Variants in MOGS observed in about 807,000 individuals in gnomAD.
The protein encoded by MOGS is epididymis secretory sperm binding protein.
In MOGS, 45 loss-of-function variants were observed where a neutral mutation model predicts 68.5. That is an observed-to-expected ratio of 0.66 (90% CI 0.52 to 0.84). The LOEUF (loss-of-function observed/expected upper bound fraction) is 0.84. Among genes scored for constraint, MOGS ranks in the 40% least tolerant of loss-of-function variants. The probability of loss-of-function intolerance (pLI) is 0.00; values close to 1 mark genes in which losing one functional copy is unlikely to be tolerated. For missense variants in MOGS, 1,020 were observed against 1,095.0 expected (o/e 0.93, Z 0.97); for synonymous variants, 492 against 461.2 (o/e 1.07, Z -0.86).
In MOGS at chr2:74,463,311, G is replaced by C; in HGVS notation, c.655C>G (p.Pro219Ala). 1 of 1,614,208 alleles carries C rather than the reference G, an allele frequency of 6.2e-7. No individual in the cohort carries two copies. The highest frequency in any genetic ancestry group is 8.5e-7 in the Non-Finnish European group (1 of 1,180,046). ...AACTGCCCCTTGGCCCCAACCTCTG[G>C]TAGTAGGACTTCCTTGCCATCTGTC... ...VVTDGKEVLL[P>A]EVGAKGQLKF... The change falls in exon 3 of 4, where the codon CCA becomes GCA. Residue 219 changes from proline (P) to alanine (A), a missense_variant. Pro to Ala is a conservative substitution (Grantham distance 27). Transcript: ENST00000448666.
Position 74,462,991 on chromosome 2 carries a change from G to A in MOGS, c.798C>T (p.Ser266=), listed in dbSNP as rs751055285. ...CTGTCAGCAGGGGCAGTCCTGGGTT[G>A]GAGGTCCAGAAGACATTGTAGCTTG... The part of the protein sequence containing the change: ...KYGSYNVFWT[S]NPGLPLLTEM... Residue 266 remains serine (S), a synonymous_variant, in exon 4 of 4, where the codon TCC becomes TCT. Transcript: ENST00000448666. 6.2e-7 allele frequency: 1 copy of A among 1,614,096 alleles called. No homozygotes were observed. Among genetic ancestry groups the A allele is most frequent in the South Asian group, 1.1e-5 (1 of 91,086 alleles).
At position 74,461,558 on chromosome 2, in the gene MOGS, T is replaced by C. The variant is rs1671904735; in HGVS notation, c.2231A>G (p.Glu744Gly). 1 of 1,613,834 alleles carries C rather than the reference T, an allele frequency of 6.2e-7. No homozygotes were observed. Among genetic ancestry groups the C allele is most frequent in the African/African-American group, 1.3e-5 (1 of 74,898 alleles). The stretch of plus-strand genomic sequence containing the variant: ...ACCCCGCCAGTAGGGGGGATCATGC[T>C]CTGAATTGCGCTGGCCATAAAAGGA... ...SSSFYGQRNS[E>G]HDPPYWRGAV... Residue 744 changes from glutamate (E) to glycine (G), a missense_variant, in exon 4 of 4, where the codon GAG (glutamate) becomes GGG (glycine). Transcript: ENST00000448666.
In MOGS at chr2:74,463,332, C is replaced by G. The variant is rs1406758494; in HGVS notation, c.634G>C (p.Asp212His). The G allele has an allele frequency of 1.2e-6, 2 of 1,614,220 alleles. No individual in the cohort carries two copies. The highest frequency in any genetic ancestry group is 1.7e-6 in the Non-Finnish European group (2 of 1,180,038). Reference sequence around the variant, plus strand: ...TCTGGTAGTAGGACTTCCTTGCCATCTGTCACCACATAGAAGAACAGGGAG... The same window carrying G: ...TCTGGTAGTAGGACTTCCTTGCCATGTGTCACCACATAGAAGAACAGGGAG... The part of the protein sequence containing the change: ...LVSLFFYVVT[D>H]GKEVLLPEVG... Residue 212 changes from aspartate to histidine, a missense_variant, in exon 3 of 4, where the codon GAT becomes CAT. By Grantham distance (81) the Asp-to-His change is moderately conservative. Transcript: ENST00000448666.
rs768560563 is a variant in MOGS at position 74,461,257 on chromosome 2, C to T, written c.*18G>A. 1.1e-5 allele frequency: 17 copies of T among 1,613,668 alleles called. No individual in the cohort carries two copies. The Admixed American group carries it at 2.8e-4, about 27-fold the overall frequency. On this transcript the variant is annotated 3_prime_UTR_variant, in exon 4 of 4. Coordinates refer to ENST00000448666, the MANE Select transcript of MOGS (RefSeq NM_006302.3). ...CCAGAGTGGCATGAGTGTCTTGGCT[C>T]CCCTCCTCTCCCTCCCTTCAGTAGT...
Position 74,462,350 on chromosome 2 carries a change from G to A in MOGS, c.1439C>T (p.Ala480Val), listed in dbSNP as rs1407029493. 4.3e-6 allele frequency: 7 copies of A among 1,613,942 alleles called. No individual in the cohort carries two copies. Among genetic ancestry groups the A allele is most frequent in the Non-Finnish European group, 5.9e-6 (7 of 1,180,012 alleles). The change falls in exon 4 of 4, where the codon GCT (alanine) becomes GTT (valine). Residue 480 changes from alanine (A) to valine (V), a missense_variant. Transcript: ENST00000448666. ...ALGHWLGLLN[A>V]DGWIGREQIL... ...CTGCTCCCTCCCAATCCAGCCATCA[G>A]CATTTAGCAGCCCCAGCCAGTGGCC...
chr2:74,461,674 G>A lies in MOGS; in HGVS notation c.2115C>T (p.Thr705=), dbSNP rs1671908728. 8 of 1,614,232 alleles carry A rather than the reference G, an allele frequency of 5.0e-6. 1 individual carries two copies. The highest frequency in any genetic ancestry group is 5.1e-6 in the Non-Finnish European group (6 of 1,180,038). Residue 705 remains threonine, a synonymous_variant, in exon 4 of 4, where the codon ACC becomes ACT. Coordinates refer to ENST00000448666, the MANE Select transcript of MOGS (RefSeq NM_006302.3). Reference sequence around the variant, plus strand: ...CCAGCAGGGGCCCAAGGCGGGATGAGGTGGGGTCCAGCAGTCGCAGCAGCA... The same window carrying A: ...CCAGCAGGGGCCCAAGGCGGGATGAAGTGGGGTCCAGCAGTCGCAGCAGCA... ...FPLLLRLLDP[T]SSRLGPLLDI... is the part of the protein sequence containing the mutation.
In MOGS at chr2:74,461,365, C is replaced by T. The variant is rs973369118; in HGVS notation, c.2424G>A (p.Gln808=). 2.1e-5 allele frequency: 34 copies of T among 1,614,154 alleles called. No homozygotes were observed. The highest frequency in any genetic ancestry group is 2.9e-5 in the Non-Finnish European group (34 of 1,180,054). The change falls in exon 4 of 4, where the codon CAG becomes CAA. Residue 808 remains glutamine (Q), a synonymous_variant. Coordinates refer to ENST00000448666, the MANE Select transcript of MOGS (RefSeq NM_006302.3). ...QYQATGFLWE[Q]YSDRDGRGMG... ...TGCCTCGCCCATCGCGGTCACTGTA[C>T]TGCTCCCAAAGAAAGCCTGTAGCCT...
At position 74,461,808 on chromosome 2, in the gene MOGS, C is replaced by T. The variant is rs757907116; in HGVS notation, c.1981G>A (p.Ala661Thr). The T allele has an allele frequency of 8.7e-6, 14 of 1,614,072 alleles. No individual in the cohort carries two copies. In the East Asian group the frequency reaches 2.9e-4, roughly 33 times the overall value. Reference sequence around the variant, plus strand: ...GGGGGCCTGGGCTTCAGCTGTACTGCTTTTGTGTGGTTCCCAAAGTCTGCA... The same window carrying T: ...GGGGGCCTGGGCTTCAGCTGTACTGTTTTTGTGTGGTTCCCAAAGTCTGCA... ...VFADFGNHTK[A>T]VQLKPRPPQG... The change falls in exon 4 of 4, where the codon GCA (alanine) becomes ACA (threonine). Residue 661 changes from alanine to threonine, a missense_variant. Transcript: ENST00000448666.
In MOGS at chr2:74,464,694, G is replaced by C. The variant is rs748519980; in HGVS notation, c.381C>G (p.Thr127=). The C allele has an allele frequency of 6.8e-5, 109 of 1,613,372 alleles. No individual in the cohort carries two copies. The highest frequency in any genetic ancestry group is 7.8e-5 in the Non-Finnish European group (92 of 1,179,682). The part of the protein sequence containing the change: ...TGLMWAQQGT[T]PGTPKLRHTC... ...TGTGCCTGAGCTTAGGAGTCCCCGG[G>C]GTGGTGCCCTGCTGCGCCCACATCA... is the stretch of plus-strand genomic sequence containing the variant. Residue 127 remains threonine (T), a synonymous_variant, in exon 2 of 4, where the codon ACC becomes ACG. Transcript: ENST00000448666.
In MOGS at chr2:74,461,479, C is replaced by T. The variant is rs371844687; in HGVS notation, c.2310G>A (p.Gly770=). ...YLALGALHHY[G]HLEGPHQARA... is the part of the protein sequence containing the mutation. ...GAGCCTGGTGAGGACCCTCCAGATG[C>T]CCATAGTGGTGGAGTGCTCCCAAAG... Residue 770 remains glycine, a synonymous_variant, in exon 4 of 4, where the codon GGG becomes GGA. Coordinates refer to ENST00000448666, the MANE Select transcript of MOGS (RefSeq NM_006302.3). 41 of 1,614,154 alleles carry T rather than the reference C, an allele frequency of 2.5e-5. No homozygotes were observed. In the Admixed American group the frequency reaches 4.2e-4, roughly 16 times the overall value.
rs1463601011 is a variant in MOGS at position 74,461,997 on chromosome 2, G to A, written c.1792C>T (p.Leu598=). 1.9e-6 allele frequency: 3 copies of A among 1,614,102 alleles called. No homozygotes were observed. The highest frequency in any genetic ancestry group is 1.7e-5 in the Admixed American group (1 of 60,012). The change falls in exon 4 of 4, where the codon CTG becomes TTG. Residue 598 remains leucine, a synonymous_variant. Coordinates refer to ENST00000448666, the MANE Select transcript of MOGS (RefSeq NM_006302.3). ...AGTGCCACCCAACATCGCAGGTCCA[G>A]GTGCCGCTCGGTTACTGAAGGGTGT... is the stretch of plus-strand genomic sequence containing the variant. The part of the protein sequence containing the change: ...ASHPSVTERH[L]DLRCWVALGA...
Position 74,463,231 on chromosome 2 carries a change from C to T in MOGS, c.735G>A (p.Leu245=). The change falls in exon 3 of 4, where the codon TTG becomes TTA. Residue 245 remains leucine (L), a synonymous_variant. Coordinates refer to ENST00000448666, the MANE Select transcript of MOGS (RefSeq NM_006302.3). The part of the protein sequence containing the change: ...SELGDFRFTL[L]PPTSPGDTAP... ...CTGTATCCCCTGGACTGGTTGGTGGCAAAAGTGTAAAGCGGAAGTCACCAA... is the reference window on the plus strand; with the variant it reads ...CTGTATCCCCTGGACTGGTTGGTGGTAAAAGTGTAAAGCGGAAGTCACCAA... The T allele has an allele frequency of 6.2e-7, 1 of 1,614,138 alleles. No homozygotes were observed. The highest frequency in any genetic ancestry group is 8.5e-7 in the Non-Finnish European group (1 of 1,180,028).
Position 74,464,623 on chromosome 2 carries a change from TG to T in MOGS, c.451del (p.His151ThrfsTer16). On this transcript the variant is annotated frameshift_variant, in exon 2 of 4. Coordinates refer to ENST00000448666, the MANE Select transcript of MOGS (RefSeq NM_006302.3). LOFTEE classifies it high-confidence loss of function. ...TTGGCGCCCGAAGGAGAGGCCGTCG[TG>T]GAACTCCCAGCCATAGGGACCCACA... The part of the protein sequence containing the change: ...DGVGPYGWEF[H>X]DGLSFGRQHI... 1.2e-6 allele frequency: 2 copies of T among 1,614,052 alleles called. No homozygotes were observed. The highest frequency in any genetic ancestry group is 1.7e-6 in the Non-Finnish European group (2 of 1,180,036).
chr2:74,461,127 T>C lies in MOGS; in HGVS notation c.*148A>G, dbSNP rs2103974990. 1.2e-6 allele frequency: 1 copy of C among 852,542 alleles called. No individual in the cohort carries two copies. Among genetic ancestry groups the C allele is most frequent in the East Asian group, 2.6e-5 (1 of 38,000 alleles). 52.8% of individuals were successfully genotyped at this position (852,542 alleles called of 1,614,324 possible). A position where few individuals can be genotyped will look rare whatever the true frequency, so the allele number is the denominator to read the frequency against. On this transcript the variant is annotated 3_prime_UTR_variant, in exon 4 of 4. Transcript: ENST00000448666. The stretch of plus-strand genomic sequence containing the variant: ...TGGATTCACATTCACCCCAGGGCTA[T>C]GTGGGATGACAGCAAGGAGACACCT...
chr2:74,461,114 C>A lies in MOGS; in HGVS notation c.*161G>T. 1.3e-6 allele frequency: 1 copy of A among 764,648 alleles called. No individual in the cohort carries two copies. The highest frequency in any genetic ancestry group is 2.1e-6 in the Non-Finnish European group (1 of 468,256). The allele number at this position is 764,648 out of a possible 1,614,324, so 47.4% of individuals were successfully genotyped here. On this transcript the variant is annotated 3_prime_UTR_variant, in exon 4 of 4. Transcript: ENST00000448666. ...GAAAAATAGACTCTGGATTCACATT[C>A]ACCCCAGGGCTATGTGGGATGACAG...
intron 2 of MOGS, 52 bp downstream of exon 2, chr2:74,464,444 G>C: frequency 6.3e-7 from 1 of 1,579,478 alleles, no homozygotes; most frequent in Non-Finnish European, 8.7e-7. Context: ...CTGGCAGCAA[G>C]GGAAGGATGG....
chr2:74,461,905 GC>G lies in MOGS; in HGVS notation c.1883del (p.Gly628AlafsTer22). The G allele has an allele frequency of 6.2e-7, 1 of 1,614,056 alleles. No homozygotes were observed. The highest frequency in any genetic ancestry group is 8.5e-7 in the Non-Finnish European group (1 of 1,180,026). On this transcript the variant is annotated frameshift_variant, in exon 4 of 4. Coordinates refer to ENST00000448666, the MANE Select transcript of MOGS (RefSeq NM_006302.3). LOFTEE classifies it high-confidence loss of function. Reference protein sequence around the residue: ...LGEAEVAAELGPLAASLEAAE... With the variant: ...LGEAEVAAELXPLAASLEAAE... ...CTGCCTCCAGTGAGGCAGCCAGTGGGCCCAGCTCAGCAGCTACCTCAGCCTC... is the reference window on the plus strand; with the variant it reads ...CTGCCTCCAGTGAGGCAGCCAGTGGGCCAGCTCAGCAGCTACCTCAGCCTC...
In MOGS at chr2:74,464,707, T is replaced by C; in HGVS notation, c.368A>G (p.Gln123Arg). Residue 123 changes from glutamine (Q) to arginine (R), a missense_variant, in exon 2 of 4, where the codon CAG becomes CGG. Physicochemically the swap from Gln to Arg is conservative, Grantham distance 43. Around this residue, in one of 3 missense-constraint regions of MOGS, gnomAD observed 569 missense variants for 571.9 expected, o/e 0.99. Coordinates refer to ENST00000448666, the MANE Select transcript of MOGS (RefSeq NM_006302.3). ...AGGAGTCCCCGGGGTGGTGCCCTGCTGCGCCCACATCAGTCCTGGGGGTAG... is the reference window on the plus strand; with the variant it reads ...AGGAGTCCCCGGGGTGGTGCCCTGCCGCGCCCACATCAGTCCTGGGGGTAG... ...KPLLTGLMWAQQGTTPGTPKL... is the reference protein window; with the variant it reads ...KPLLTGLMWARQGTTPGTPKL... The C allele has an allele frequency of 6.2e-7, 1 of 1,612,992 alleles. No homozygotes were observed. Among genetic ancestry groups the C allele is most frequent in the Non-Finnish European group, 8.5e-7 (1 of 1,179,356 alleles).
rs1277608669 is a variant in MOGS at position 74,461,654 on chromosome 2, AG to A, written c.2134del (p.Leu712CysfsTer5). 6.2e-7 allele frequency: 1 copy of A among 1,614,180 alleles called. No individual in the cohort carries two copies. Among genetic ancestry groups the A allele is most frequent in the Non-Finnish European group, 8.5e-7 (1 of 1,180,016 alleles). ...LDPTSSRLGP[L>X]LDILADSRHL... ...GCGGCTGTCGGCTAGAATGTCCAGC[AG>A]GGGCCCAAGGCGGGATGAGGTGGGG... On this transcript the variant is annotated frameshift_variant, in exon 4 of 4. Transcript: ENST00000448666. LOFTEE classifies it high-confidence loss of function.
Sources: allele counts gnomAD v4.1 joint callset, GRCh38; gene constraint gnomAD v4.1.1; regional missense constraint gnomAD v4.1.1; transcripts MANE v1.5; gene names NCBI Gene and HGNC (gene_info 2026-07-23, HGNC 2026-07-21).